The following GNA15 variants were observed in gnomAD, a reference collection of about 807,000 sequenced individuals.
GNA15 encodes guanine nucleotide-binding protein subunit alpha-15.
A neutral mutation model predicts 40.1 loss-of-function variants in GNA15; 23 were observed. The observed-to-expected ratio is 0.57, with a 90% CI of 0.41 to 0.81. The LOEUF (loss-of-function observed/expected upper bound fraction) is 0.81, where lower values mean the gene tolerates loss of function less well. Among genes scored for constraint, GNA15 ranks in the 40% least tolerant of loss-of-function variants. The pLI, the probability that GNA15 is intolerant of heterozygous loss-of-function variation, is 0.00. For synonymous variants in GNA15, 226 were observed against 210.4 expected, an observed-to-expected ratio of 1.07 and a Z score of -0.64; for missense variants, 522 against 515.8, an observed-to-expected ratio of 1.01 and a Z score of -0.12.
At chr19:3,144,560 GCT>G (rs1008466684) in intron 1 of GNA15, among the ~76,000 whole-genome samples, 2 of 151,782 alleles carry the variant, frequency 1.3e-5, no homozygotes, top group South Asian at 4.2e-4. Context: ...TCGGAGTCTC[GCT>G]CTGTCACCCA....
chr19:3,151,210 G>C lies in GNA15; in HGVS notation c.486-497G>C, dbSNP rs1303037048. On this transcript the variant is annotated intron_variant, in intron 3 of 6. Coordinates refer to ENST00000262958, the MANE Select transcript of GNA15 (RefSeq NM_002068.4). This position sits in a 1 kb window ranked among gnomAD's most constrained non-coding sequence, Gnocchi z 5.0. The stretch of plus-strand genomic sequence containing the variant: ...TTCTGAGGGGACCCTATTCTGGGGG[G>C]ACCCTGTTCCTGGAGTGACCCTGTT... Among the ~76,000 whole-genome samples the C allele has an allele frequency of 6.6e-6, 1 of 150,794 alleles. No homozygotes were observed. The highest frequency in any genetic ancestry group is 2.0e-4 in the East Asian group (1 of 5,066).
chr19:3,159,103 C>A (rs1041110691), intron 6 of GNA15, among the ~76,000 whole-genome samples: 3 of 152,088 alleles, frequency 2.0e-5, no homozygotes, highest in Admixed American at 6.6e-5. Context: ...CAGCTCACTG[C>A]AAGCTCTGCC....
chr19:3,150,284 T>TAGTG lies in GNA15; in HGVS notation c.485+3_485+6dup. ...ATTCCACCTGCTCGATTCAGCCGTG[T>TAGTG]AGTGAGTCTGGGGTCTGCGGGGGAT... On this transcript the variant is annotated stop_gained and frameshift_variant and splice_region_variant, in exon 3 of 7. Coordinates refer to ENST00000262958, the MANE Select transcript of GNA15 (RefSeq NM_002068.4). LOFTEE classifies it high-confidence loss of function. 1.3e-6 allele frequency: 2 copies of TAGTG among 1,583,472 alleles called. No homozygotes were observed. The highest frequency in any genetic ancestry group is 2.3e-5 in the South Asian group (2 of 86,584).
At chr19:3,157,948 C>A in intron 6 of GNA15, 67 bp downstream of exon 6, 2 of 1,256,676 alleles carry the variant, frequency 1.6e-6, no homozygotes, top group Non-Finnish European at 1.2e-6. Context: ...AGATGCTAAT[C>A]CAGACTCTAC....
At position 3,148,651 on chromosome 19, in the gene GNA15, G is replaced by A. The variant is rs1304482491; in HGVS notation, c.206G>A (p.Gly69Asp). 13 of 1,589,552 alleles carry A rather than the reference G, an allele frequency of 8.2e-6. No homozygotes were observed. Among genetic ancestry groups the A allele is most frequent in the Non-Finnish European group, 9.4e-6 (11 of 1,168,032 alleles). ...IKQMRIIHGA[G>D]YSEEERKGFR... ...CAGATGCGGATCATCCACGGCGCCGGCTACTCGGAGGAGGAGCGCAAGGGC... is the reference window on the plus strand; with the variant it reads ...CAGATGCGGATCATCCACGGCGCCGACTACTCGGAGGAGGAGCGCAAGGGC... The change falls in exon 2 of 7, where the codon GGC (glycine) becomes GAC (aspartate). Residue 69 changes from glycine (G) to aspartate (D), a missense_variant. Gly to Asp is a moderately conservative substitution (Grantham distance 94, BLOSUM62 -1). Coordinates refer to ENST00000262958, the MANE Select transcript of GNA15 (RefSeq NM_002068.4).
intron 6 of GNA15, among the ~76,000 whole-genome samples, chr19:3,158,299 G>A (rs1320506117): frequency 1.3e-5 from 2 of 151,898 alleles, no homozygotes; most frequent in Non-Finnish European, 1.5e-5. Context: ...ACAGGTGCGC[G>A]CCACCACGCC....
In GNA15 at chr19:3,136,420, G is replaced by C. The variant is rs1268016853; in HGVS notation, c.-31G>C. 6.5e-7 allele frequency: 1 copy of C among 1,543,528 alleles called. No homozygotes were observed. Among genetic ancestry groups the C allele is most frequent in the Non-Finnish European group, 8.7e-7 (1 of 1,143,898 alleles). ...TGGCCAGCAGGGGCCCGGGGGCGAT[G>C]CCACCCGGTGCCGACTGAGGCCACC... is the stretch of plus-strand genomic sequence containing the variant. On this transcript the variant is annotated 5_prime_UTR_variant, in exon 1 of 7. An upstream start codon of the reference 5' UTR is lost. Transcript: ENST00000262958. This position sits in a 1 kb window ranked among gnomAD's most constrained non-coding sequence, Gnocchi z 4.9.
intron 6 of GNA15, among the ~76,000 whole-genome samples, chr19:3,159,719 T>G (rs181986661): frequency 1.3e-5 from 2 of 152,192 alleles, no homozygotes; most frequent in African/African-American, 4.8e-5. Flanking sequence ...TACAATGACC[T>G]TCTTTCATGC....
Position 3,163,303 on chromosome 19 carries a change from G to A in GNA15, c.*284G>A. ...GGTGGATGAAAAGGTGAAGAAATCA[G>A]GGGATTGAGGACTTGGGTGGGTGGG... On this transcript the variant is annotated 3_prime_UTR_variant, in exon 7 of 7. Coordinates refer to ENST00000262958, the MANE Select transcript of GNA15 (RefSeq NM_002068.4). 2.1e-6 allele frequency: 1 copy of A among 470,708 alleles called. No homozygotes were observed. Among genetic ancestry groups the A allele is most frequent in the South Asian group, 2.3e-5 (1 of 43,794 alleles). 29.2% of individuals were successfully genotyped at this position (470,708 alleles called of 1,614,324 possible).
chr19:3,156,432 C>T (rs1915026336), intron 5 of GNA15, among the ~76,000 whole-genome samples: 1 of 147,044 alleles, frequency 6.8e-6, no homozygotes, highest in African/African-American at 2.6e-5. Context: ...CACACACATG[C>T]ACACACACAG....
At chr19:3,157,975 C>T (rs1295098768) in intron 6 of GNA15, 94 bp downstream of exon 6, 37 of 1,015,098 alleles carry the variant, frequency 3.6e-5, no homozygotes, top group Non-Finnish European at 5.2e-5. Flanking sequence ...CTGGAGTCAC[C>T]GGAACTTTCA....
intron 1 of GNA15, among the ~76,000 whole-genome samples, chr19:3,145,437 C>G (rs897080462): frequency 2.9e-5 from 4 of 138,386 alleles, no homozygotes; most frequent in African/African-American, 1.1e-4. Context: ...AGCCGCCCCC[C>G]TCCCTTAGCT....
intron 1 of GNA15, chr19:3,143,046 G>A (rs4997583): frequency 0.82 from 125,132 of 151,966 alleles, 51,938 homozygotes; most frequent in Non-Finnish European, 0.89. Context: ...TTTAACAGAC[G>A]TGTTAATGAC....
intron 1 of GNA15, among the ~76,000 whole-genome samples, chr19:3,139,624 G>A (rs1036711610): frequency 7.9e-5 from 12 of 151,148 alleles, no homozygotes; most frequent in Non-Finnish European, 1.5e-4. Context: ...AAAATGCCGG[G>A]TGCAGTGGCT....
At chr19:3,141,552 T>C (rs2283599) in intron 1 of GNA15, 35,146 of 152,014 alleles carry the variant, frequency 0.23, 4,096 homozygotes, top group Non-Finnish European at 0.26. Context: ...TGCACCATCA[T>C]GCCCAGCTAA....
chr19:3,150,354 T>C (rs927231529), intron 3 of GNA15, 69 bp downstream of exon 3: 4 of 1,343,824 alleles, frequency 3.0e-6, no homozygotes, highest in African/African-American at 3.0e-5. Flanking sequence ...GCTGGCTGGC[T>C]TCCTGCAGCA....
At chr19:3,147,090 T>C (rs1171174704) in intron 1 of GNA15, among the ~76,000 whole-genome samples, 1 of 152,158 alleles carries the variant, frequency 6.6e-6, no homozygotes, top group Non-Finnish European at 1.5e-5. Context: ...GAGGCCTTCC[T>C]TGACTGCTCA....
At chr19:3,145,353 A>AT (rs1555705658) in intron 1 of GNA15, among the ~76,000 whole-genome samples, 33 of 34,260 alleles carry the variant, frequency 9.6e-4, no homozygotes, top group South Asian at 2.1e-3. Flanking sequence ...ATATATATAT[A>AT]TATATATTTT....
intron 1 of GNA15, among the ~76,000 whole-genome samples, chr19:3,142,688 A>G (rs1020847174): frequency 2.0e-5 from 3 of 152,064 alleles, no homozygotes; most frequent in African/African-American, 4.8e-5. Context: ...TCTGGCCAAC[A>G]TGGTGAAACC....
Sources: gnomAD v4.1 joint callset for allele counts (sites outside exome capture counted in the v4.1 genomes callset) on GRCh38, gnomAD v4.1.1 for gene constraint, Gnocchi (gnomAD v3.1) non-coding constraint, MANE v1.5 for transcripts, NCBI Gene and HGNC (gene_info 2026-07-23, HGNC 2026-07-21) for gene names.